The following WDR7 variants were observed in gnomAD, a reference collection of about 807,000 sequenced individuals.
WDR7 encodes WD repeat-containing protein 7.
WDR7 carries 46 observed loss-of-function variants against 169.4 expected under a neutral mutation model. That is an observed-to-expected ratio of 0.27 (90% CI 0.21 to 0.35). The LOEUF (loss-of-function observed/expected upper bound fraction) is 0.35, where lower values mean the gene tolerates loss of function less well. Ranked by LOEUF, WDR7 falls within the 10% of genes least tolerant of loss-of-function variation. The probability of loss-of-function intolerance (pLI) is 1.00; values close to 1 mark genes in which losing one functional copy is unlikely to be tolerated. For missense variants in WDR7, 1,534 were observed against 1,859.3 expected (o/e 0.83, Z 3.22); for synonymous variants, 612 against 666.8 (o/e 0.92, Z 1.27).
intron 21 of WDR7, among the ~76,000 whole-genome samples, chr18:56,881,363 A>T (rs1182729893): frequency 6.6e-6 from 1 of 152,004 alleles, no homozygotes; most frequent in Non-Finnish European, 1.5e-5. Flanking sequence ...ACCTCACTTC[A>T]TCCTCATAAT....
At chr18:56,691,168 T>C (rs1353244059) in intron 7 of WDR7, 48 bp from the exon 8 acceptor site, 1 of 1,560,920 alleles carries the variant, frequency 6.4e-7, no homozygotes, top group Admixed American at 2.2e-5. Flanking sequence ...TGGATCTTAC[T>C]TTTTACAACA....
chr18:56,676,612 G>A (rs1041702475), intron 2 of WDR7, among the ~76,000 whole-genome samples: 5 of 152,010 alleles, frequency 3.3e-5, no homozygotes, highest in African/African-American at 9.7e-5. Context: ...ATTATTTTAA[G>A]CTGATAATAA....
chr18:57,001,880 A>G (rs1182712502), intron 26 of WDR7, among the ~76,000 whole-genome samples: 1 of 152,178 alleles, frequency 6.6e-6, no homozygotes, highest in Non-Finnish European at 1.5e-5. Flanking sequence ...ACTAAGAACT[A>G]ATATTAAATT....
intron 1 of WDR7, 117 bp from the exon 2 acceptor site, chr18:56,672,380 G>A: frequency 4.7e-6 from 3 of 636,616 alleles, no homozygotes; most frequent in Non-Finnish European, 6.7e-6. Context: ...TTAAGTAGCT[G>A]TAATTCACTC....
intron 12 of WDR7, among the ~76,000 whole-genome samples, chr18:56,698,555 G>A (rs969567202): frequency 1.3e-5 from 2 of 150,314 alleles, no homozygotes; most frequent in Non-Finnish European, 2.9e-5. Flanking sequence ...GCAGTGAGCT[G>A]AGATTGCACC....
At chr18:56,852,153 A>G (rs77206972) in intron 20 of WDR7, among the ~76,000 whole-genome samples, 2 of 152,278 alleles carry the variant, frequency 1.3e-5, no homozygotes, top group South Asian at 2.1e-4. Flanking sequence ...TCACCCAGCT[A>G]TAGAAAAACG....
At chr18:56,886,090 T>A (rs1337272968) in intron 21 of WDR7, among the ~76,000 whole-genome samples, 1 of 152,160 alleles carries the variant, frequency 6.6e-6, no homozygotes, top group Non-Finnish European at 1.5e-5. Flanking sequence ...ATTTGCACCC[T>A]TGCTAGAGAT....
At chr18:56,940,895 A>C (rs1410782319) in intron 25 of WDR7, among the ~76,000 whole-genome samples, 1 of 152,150 alleles carries the variant, frequency 6.6e-6, no homozygotes, top group Non-Finnish European at 1.5e-5. Flanking sequence ...TCAATCCCTA[A>C]AACCACCTTA....
Position 56,695,202 on chromosome 18 carries a change from T to C in WDR7, c.1357+4T>C. ...GGGGAACACATGCTCAGAAGAGGTA[T>C]ACTGAAGAGCTCCGTATGTCTAAAG... On this transcript the variant is annotated splice_donor_region_variant and intron_variant, in intron 11 of 27. Coordinates refer to ENST00000254442, the MANE Select transcript of WDR7 (RefSeq NM_015285.3). 1.2e-6 allele frequency: 2 copies of C among 1,613,146 alleles called. No individual in the cohort carries two copies. Among genetic ancestry groups the C allele is most frequent in the South Asian group, 2.2e-5 (2 of 91,026 alleles).
intron 16 of WDR7, among the ~76,000 whole-genome samples, chr18:56,760,971 CATTTT>C (rs1292121096): frequency 6.6e-6 from 1 of 152,114 alleles, no homozygotes; most frequent in Non-Finnish European, 1.5e-5. Context: ...TGTTTAAACA[CATTTT>C]ATATGTTGAT....
intron 20 of WDR7, among the ~76,000 whole-genome samples, chr18:56,822,854 A>G (rs2045122268): frequency 6.6e-6 from 1 of 152,186 alleles, no homozygotes; most frequent in African/African-American, 2.4e-5. Flanking sequence ...TAAGAAAAAT[A>G]AAAGTGTAAA....
intron 20 of WDR7, among the ~76,000 whole-genome samples, chr18:56,849,029 T>C (rs1228427954): frequency 1.3e-5 from 2 of 152,232 alleles, no homozygotes; most frequent in African/African-American, 4.8e-5. Flanking sequence ...CGTGGCTCTT[T>C]CCTTCTAAAT....
chr18:56,710,362 T>C (rs983133968), intron 12 of WDR7, among the ~76,000 whole-genome samples: 2 of 152,202 alleles, frequency 1.3e-5, no homozygotes, highest in South Asian at 2.1e-4. Flanking sequence ...ATTATATCCA[T>C]GTGATTATAC....
chr18:56,742,800 G>A (rs899848282), intron 14 of WDR7, among the ~76,000 whole-genome samples: 1 of 152,140 alleles, frequency 6.6e-6, no homozygotes, highest in African/African-American at 2.4e-5. Context: ...TGTGTTCTGG[G>A]AGAACTAGGT....
intron 6 of WDR7, 103 bp from the exon 7 acceptor site, chr18:56,686,752 T>G (rs1408621240): frequency 3.0e-6 from 3 of 984,082 alleles, no homozygotes. Flanking sequence ...ATGATGAACA[T>G]ATGAAGCGAT....
intron 13 of WDR7, among the ~76,000 whole-genome samples, chr18:56,725,066 G>A (rs1355368953): frequency 1.3e-5 from 2 of 151,166 alleles, no homozygotes; most frequent in Non-Finnish European, 2.9e-5. Context: ...TTGGACATTT[G>A]AGTTGGTTCC....
At chr18:56,745,216 C>T (rs546055375) in intron 14 of WDR7, among the ~76,000 whole-genome samples, 2 of 152,270 alleles carry the variant, frequency 1.3e-5, no homozygotes, top group African/African-American at 4.8e-5. Context: ...TAGGAACTTG[C>T]AATTTGAAAG....
At position 56,940,493 on chromosome 18, in the gene WDR7, A is replaced by C. The variant is rs1455109895; in HGVS notation, c.4064+1100A>C. Among the ~76,000 whole-genome samples the C allele has an allele frequency of 2.0e-5, 3 of 152,192 alleles. No homozygotes were observed. In the South Asian group the frequency reaches 6.2e-4, roughly 32 times the overall value. ...GTAGCATACCTGTTTACAGATGCATATTTTCTTGTGATGGGGTTTGGCAAA... is the reference window on the plus strand; with the variant it reads ...GTAGCATACCTGTTTACAGATGCATCTTTTCTTGTGATGGGGTTTGGCAAA... On this transcript the variant is annotated intron_variant, in intron 25 of 27. Transcript: ENST00000254442.
rs1330016844 is a variant in WDR7, at chr18:56,756,885, G to A, written c.2292G>A (p.Glu764=). 3 of 1,614,064 alleles carry A rather than the reference G, an allele frequency of 1.9e-6. No homozygotes were observed. The highest frequency in any genetic ancestry group is 2.5e-6 in the Non-Finnish European group (3 of 1,180,024). The change falls in exon 15 of 28, where the codon GAG becomes GAA. Residue 764 remains glutamate (E), a synonymous_variant. Transcript: ENST00000254442. ...AACACCTCCTTGATGATGAAGAGGA[G>A]GATGAGGAGATAATGAGGCAGAGAA... The part of the protein sequence containing the change: ...IKEHLLDDEE[E]DEEIMRQRRE...
Sources: allele counts gnomAD v4.1 joint callset (sites outside exome capture counted in the v4.1 genomes callset), GRCh38; gene constraint gnomAD v4.1.1; transcripts MANE v1.5; gene names NCBI Gene and HGNC (gene_info 2026-07-23, HGNC 2026-07-21).